The following ZNF726 variants were observed in gnomAD, a reference collection of about 807,000 sequenced individuals.
ZNF726 encodes the protein zinc finger protein 726, also known as zinc finger protein 92 pseudogene 3.
ZNF726 carries 15 observed loss-of-function variants against 11.6 expected under a neutral mutation model. That is an observed-to-expected ratio of 1.29 (90% CI 0.86 to 1.99). The LOEUF is 1.99. ZNF726 is among the 30% of genes most tolerant of loss of function. ZNF726 has a pLI of 0.00. For missense variants in ZNF726, 890 were observed against 725.6 expected, an observed-to-expected ratio of 1.23 and a Z score of -2.60; for synonymous variants, 295 against 243.6, an observed-to-expected ratio of 1.21 and a Z score of -1.96.
downstream of ZNF726, chr19:23,935,288 ACT>A (rs139861178): frequency 6.7e-4 from 338 of 501,730 alleles, no homozygotes; most frequent in African/African-American, 6.2e-3. Context: ...CTGGAGTAAA[ACT>A]CTACAAATGT....
chr19:23,942,929 T>G (rs559096890), intron 3 of ZNF726, among the ~76,000 whole-genome samples: 1 of 152,310 alleles, frequency 6.6e-6, no homozygotes, highest in South Asian at 2.1e-4. Flanking sequence ...ATTGGAGCAT[T>G]TAGGCCATTT....
chr19:23,924,388 C>A (rs1343869233), intron 3 of ZNF726, among the ~76,000 whole-genome samples: 1 of 151,962 alleles, frequency 6.6e-6, no homozygotes, highest in African/African-American at 2.4e-5. Context: ...TTTATCTTGT[C>A]TAAGTTAGTA....
chr19:23,928,862 A>C (rs1713754676), intron 3 of ZNF726: 1 of 152,116 alleles, frequency 6.6e-6, no homozygotes, highest in Non-Finnish European at 1.5e-5. Flanking sequence ...CAGTGTTGTG[A>C]TCATGGCTCA....
chr19:23,931,070 A>C (rs967580802), intron 3 of ZNF726, among the ~76,000 whole-genome samples: 1 of 152,166 alleles, frequency 6.6e-6, no homozygotes, highest in African/African-American at 2.4e-5. Flanking sequence ...TTCCAGGTTC[A>C]AGCAATTTTA....
chr19:23,922,404 A>C (rs568538662), intron 3 of ZNF726, among the ~76,000 whole-genome samples: 1 of 152,336 alleles, frequency 6.6e-6, no homozygotes, highest in East Asian at 1.9e-4. Flanking sequence ...CAGGGACCAC[A>C]GGAAAGGCCA....
At chr19:23,915,372 A>G (rs181462247) in intron 1 of ZNF726, among the ~76,000 whole-genome samples, 1 of 152,042 alleles carries the variant, frequency 6.6e-6, no homozygotes, top group Non-Finnish European at 1.5e-5. Context: ...TTTTCAGGCC[A>G]TTTTTTCCTA....
rs767334905 is a variant in ZNF726 at position 23,933,258 on chromosome 19, C to T, written c.1142C>T (p.Pro381Leu). The change falls in exon 4 of 4, where the codon CCC (proline) becomes CTC (leucine). Residue 381 changes from proline (P) to leucine (L), a missense_variant. Transcript: ENST00000594466. Reference protein sequence around the residue: ...CEECGKAFIWPSTLTKHKRIH... With the variant: ...CEECGKAFIWLSTLTKHKRIH... ...GAATGTGGCAAAGCATTTATATGGC[C>T]CTCAACCCTAACTAAACATAAGAGG... 5.6e-6 allele frequency: 9 copies of T among 1,612,794 alleles called. No homozygotes were observed. The highest frequency in any genetic ancestry group is 1.3e-5 in the African/African-American group (1 of 74,510).
chr19:23,921,423 A>T (rs1967848359), intron 3 of ZNF726: 1 of 152,272 alleles, frequency 6.6e-6, no homozygotes, highest in Non-Finnish European at 1.5e-5. Flanking sequence ...TGTAATTTTC[A>T]TTACTGTGAA....
Position 23,932,455 on chromosome 19 carries a change from A to C in ZNF726, c.339A>C (p.Leu113Phe). ...FEKCGHENLQLRKGCKSVDEC... is the reference protein window; with the variant it reads ...FEKCGHENLQFRKGCKSVDEC... ...AATGTGGACATGAGAATTTACAGTTAAGAAAAGGTTGTAAAAGTGTGGATG... is the reference window on the plus strand; with the variant it reads ...AATGTGGACATGAGAATTTACAGTTCAGAAAAGGTTGTAAAAGTGTGGATG... The change falls in exon 4 of 4, where the codon TTA (leucine) becomes TTC (phenylalanine). Residue 113 changes from leucine (L) to phenylalanine (F), a missense_variant. Transcript: ENST00000594466. 1 of 1,575,744 alleles carries C rather than the reference A, an allele frequency of 6.3e-7. No individual in the cohort carries two copies. The highest frequency in any genetic ancestry group is 1.4e-5 in the African/African-American group (1 of 73,308).
downstream of ZNF726, among the ~76,000 whole-genome samples, chr19:23,936,718 TTC>T (rs1188951236): frequency 1.3e-5 from 2 of 151,804 alleles, no homozygotes; most frequent in African/African-American, 2.4e-5. Context: ...CTTTTTTTTT[TTC>T]ATGGCAGTTT....
downstream of ZNF726, chr19:23,935,096 C>G: frequency 2.8e-6 from 1 of 354,306 alleles, no homozygotes; most frequent in Non-Finnish European, 5.5e-6. Context: ...GCTGCTTCTG[C>G]CCAGGGGCAA....
At chr19:23,936,905 C>T (rs1264645070), downstream of ZNF726, among the ~76,000 whole-genome samples, 2 of 152,108 alleles carry the variant, frequency 1.3e-5, no homozygotes, top group Non-Finnish European at 2.9e-5. Context: ...CTTTTCCCCA[C>T]CTGTCCCCCC....
chr19:23,916,705 T>C (rs1568372917), intron 1 of ZNF726, among the ~76,000 whole-genome samples: 1 of 152,198 alleles, frequency 6.6e-6, no homozygotes, highest in Non-Finnish European at 1.5e-5. Context: ...CCTACGAGAA[T>C]AAAGCAAAGA....
intron 3 of ZNF726, among the ~76,000 whole-genome samples, chr19:23,939,673 A>G (rs1968305102): frequency 6.6e-6 from 1 of 152,060 alleles, no homozygotes; most frequent in South Asian, 2.1e-4. Context: ...CACTGCATCC[A>G]CGCCAACATC....
chr19:23,919,972 T>C lies in ZNF726; in HGVS notation c.131-15T>C, dbSNP rs752802808. ...ATATGAGCAAGATTCATGTTAATTA[T>C]TTTTAATAAAACAGGTATTGCTGTC... On this transcript the variant is annotated splice_polypyrimidine_tract_variant and intron_variant, in intron 2 of 3. Transcript: ENST00000594466. 4 of 1,539,660 alleles carry C rather than the reference T, an allele frequency of 2.6e-6. No homozygotes were observed. The Admixed American group carries it at 7.0e-5, about 27-fold the overall frequency.
At chr19:23,934,585 G>A (rs1362633480), downstream of ZNF726, 1 of 325,758 alleles carries the variant, frequency 3.1e-6, no homozygotes, top group African/African-American at 2.2e-5. Context: ...AGGGTGTACA[G>A]TGGTATTCCT....
At chr19:23,935,995 G>A (rs1018009754), downstream of ZNF726, 4 of 152,144 alleles carry the variant, frequency 2.6e-5, no homozygotes, top group African/African-American at 9.7e-5. Flanking sequence ...AGATCTTATT[G>A]TACACATTTT....
At chr19:23,936,255 C>G (rs1968229173), downstream of ZNF726, 1 of 152,120 alleles carries the variant, frequency 6.6e-6, no homozygotes, top group African/African-American at 2.4e-5. Flanking sequence ...TTAGGGCACT[C>G]AAACTTTAGA....
intron 3 of ZNF726, among the ~76,000 whole-genome samples, chr19:23,925,077 T>C (rs1967950814): frequency 6.6e-6 from 1 of 152,198 alleles, no homozygotes; most frequent in Admixed American, 6.5e-5. Flanking sequence ...AGTGTAATTG[T>C]CTTATATATC....
Sources: allele counts gnomAD v4.1 joint callset (sites outside exome capture counted in the v4.1 genomes callset), GRCh38; gene constraint gnomAD v4.1.1; transcripts MANE v1.5; gene names NCBI Gene and HGNC (gene_info 2026-07-23, HGNC 2026-07-21).